ARMH3: variants seen among roughly 807,000 people sequenced by gnomAD.
ARMH3 encodes the protein armadillo like helical domain containing 3.
A neutral mutation model predicts 99.1 loss-of-function variants in ARMH3; 60 were observed. The ratio of observed to expected loss-of-function variants is 0.61; its 90% CI spans 0.49 to 0.75. The LOEUF is 0.75. Among genes scored for constraint, ARMH3 ranks in the 30% least tolerant of loss-of-function variants. The probability of loss-of-function intolerance (pLI) is 0.00; values close to 1 mark genes in which losing one functional copy is unlikely to be tolerated. For synonymous variants in ARMH3, 285 were observed against 292.8 expected (o/e 0.97, Z 0.27); for missense variants, 679 against 843.1 (o/e 0.81, Z 2.41).
chr10:101,891,093 T>C (rs1394146847), intron 23 of ARMH3, among the ~76,000 whole-genome samples: 1 of 152,128 alleles, frequency 6.6e-6, no homozygotes. Context: ...CAGGCTGGTC[T>C]CAAACTCCTG....
intron 1 of ARMH3, among the ~76,000 whole-genome samples, chr10:102,041,877 T>C (rs1364719634): frequency 6.6e-6 from 1 of 152,128 alleles, no homozygotes; most frequent in African/African-American, 2.4e-5. Context: ...CTCAAACTCC[T>C]GACCTCATGA....
intron 22 of ARMH3, among the ~76,000 whole-genome samples, chr10:101,949,629 T>C (rs1590070635): frequency 1.3e-5 from 2 of 152,014 alleles, no homozygotes; most frequent in South Asian, 4.2e-4. Context: ...ACTGGCAAAT[T>C]TTACCAAACA....
chr10:102,006,483 A>C, intron 14 of ARMH3, 57 bp downstream of exon 14: 1 of 1,550,234 alleles, frequency 6.5e-7, no homozygotes, highest in Non-Finnish European at 8.9e-7. Flanking sequence ...AGCTATGCTC[A>C]CTCTGAGAGA....
At chr10:101,972,843 A>G (rs1287206710) in intron 20 of ARMH3, among the ~76,000 whole-genome samples, 1 of 152,160 alleles carries the variant, frequency 6.6e-6, no homozygotes, top group Non-Finnish European at 1.5e-5. Context: ...GCCTAAGGAC[A>G]CTCATATATA....
At chr10:101,946,841 G>A (rs182083241) in intron 22 of ARMH3, among the ~76,000 whole-genome samples, 2 of 151,726 alleles carry the variant, frequency 1.3e-5, no homozygotes, top group African/African-American at 4.8e-5. Context: ...AAGAAAAATT[G>A]TGCATAGATA....
intron 19 of ARMH3, among the ~76,000 whole-genome samples, chr10:101,981,963 A>G (rs1247816511): frequency 2.1e-5 from 3 of 144,522 alleles, no homozygotes; most frequent in Non-Finnish European, 4.5e-5. Flanking sequence ...TGGAGCTTGC[A>G]GTGAGCCAAG....
At chr10:102,053,976 C>T (rs1199511890) in intron 1 of ARMH3, among the ~76,000 whole-genome samples, 2 of 152,186 alleles carry the variant, frequency 1.3e-5, no homozygotes, top group African/African-American at 4.8e-5. Context: ...CCTTATATAT[C>T]CTGGATCAAT....
chr10:101,953,849 C>T (rs1844909283), intron 22 of ARMH3, among the ~76,000 whole-genome samples: 1 of 151,944 alleles, frequency 6.6e-6, no homozygotes, highest in South Asian at 2.1e-4. Context: ...ACATACTTAC[C>T]ACAATACCCC....
intron 22 of ARMH3, among the ~76,000 whole-genome samples, chr10:101,953,829 T>C (rs1038343486): frequency 7.2e-5 from 11 of 152,052 alleles, no homozygotes; most frequent in African/African-American, 1.9e-4. Context: ...CGGTTTCTTA[T>C]ATAGTTAAAA....
intron 12 of ARMH3, 80 bp downstream of exon 12, chr10:102,009,897 G>C (rs900034179): frequency 2.3e-6 from 3 of 1,307,246 alleles, no homozygotes; most frequent in Non-Finnish European, 3.3e-6. Context: ...TTAGCAAGAG[G>C]TAACACTGCA....
intron 24 of ARMH3, among the ~76,000 whole-genome samples, chr10:101,886,570 A>C (rs1426320784): frequency 1.3e-5 from 2 of 152,196 alleles, no homozygotes; most frequent in East Asian, 1.9e-4. Flanking sequence ...AACTGATTAA[A>C]AACTTTATCA....
At chr10:102,021,364 G>A (rs1458235789) in intron 8 of ARMH3, among the ~76,000 whole-genome samples, 4 of 151,016 alleles carry the variant, frequency 2.6e-5, no homozygotes, top group Non-Finnish European at 5.9e-5. Context: ...ACAGGCGTAA[G>A]CTACCGTCCC....
intron 23 of ARMH3, among the ~76,000 whole-genome samples, chr10:101,917,560 T>C (rs894517568): frequency 4.6e-5 from 7 of 152,254 alleles, no homozygotes; most frequent in African/African-American, 1.4e-4. Context: ...CTATAAACAT[T>C]TGTCCAATCC....
chr10:102,039,985 C>T (rs1196959390), intron 2 of ARMH3, 28 bp downstream of exon 2: 1 of 1,578,062 alleles, frequency 6.3e-7, no homozygotes. Flanking sequence ...AAGACTCAAG[C>T]TGTACACAAC....
At chr10:101,949,657 T>C (rs913035596) in intron 22 of ARMH3, among the ~76,000 whole-genome samples, 1 of 152,062 alleles carries the variant, frequency 6.6e-6, no homozygotes, top group Non-Finnish European at 1.5e-5. Flanking sequence ...AATAAACCAC[T>C]CTTAAACAAA....
rs1464844076 is a variant in ARMH3, at chr10:101,992,159, TC to T, written c.1276-122del. On this transcript the variant is annotated intron_variant, in intron 17 of 25. Transcript: ENST00000370033. ...TTACAGGGATACTTCCTTTTCTTTC[TC>T]TTTTTCACATGGTGGGAGAGGAATG... 4 of 848,434 alleles carry T rather than the reference TC, an allele frequency of 4.7e-6. No homozygotes were observed. In the East Asian group the frequency reaches 9.9e-5, roughly 21 times the overall value. 52.6% of individuals were successfully genotyped at this position (848,434 alleles called of 1,614,324 possible).
At chr10:102,039,035 C>T (rs1293228357) in intron 2 of ARMH3, among the ~76,000 whole-genome samples, 1 of 152,108 alleles carries the variant, frequency 6.6e-6, no homozygotes, top group East Asian at 1.9e-4. Flanking sequence ...GCCACTACAC[C>T]CAGCCAGTAA....
intron 8 of ARMH3, among the ~76,000 whole-genome samples, chr10:102,015,819 T>C (rs1435050446): frequency 1.3e-5 from 2 of 152,238 alleles, no homozygotes; most frequent in African/African-American, 2.4e-5. Context: ...AAAATGAGGA[T>C]ATAGATTGAG....
chr10:101,861,495 G>A (rs2066867377), intron 24 of ARMH3, among the ~76,000 whole-genome samples: 1 of 152,186 alleles, frequency 6.6e-6, no homozygotes, highest in South Asian at 2.1e-4. Flanking sequence ...CACTCTGGGA[G>A]GCTGAGGCGG....
Sources: gnomAD v4.1 joint callset for allele counts (sites outside exome capture counted in the v4.1 genomes callset) on GRCh38, gnomAD v4.1.1 for gene constraint, MANE v1.5 for transcripts, NCBI Gene and HGNC (gene_info 2026-07-23, HGNC 2026-07-21) for gene names.